LTBP1: variants seen among roughly 807,000 people sequenced by gnomAD.
LTBP1 encodes the protein latent-transforming growth factor beta-binding protein 1.
A neutral mutation model predicts 207.6 loss-of-function variants in LTBP1; 129 were observed. The ratio of observed to expected loss-of-function variants is 0.62; its 90% CI spans 0.54 to 0.72. The LOEUF (loss-of-function observed/expected upper bound fraction) is 0.72. Ranked by LOEUF, LTBP1 falls within the 30% of genes least tolerant of loss-of-function variation. The probability of loss-of-function intolerance (pLI) is 0.00; values close to 1 mark genes in which losing one functional copy is unlikely to be tolerated. For missense variants in LTBP1, 2,281 were observed against 2,217.2 expected (o/e 1.03, Z -0.58); for synonymous variants, 963 against 833.7 (o/e 1.16, Z -2.67).
At chr2:33,080,320 G>A (rs914181810) in intron 3 of LTBP1, among the ~76,000 whole-genome samples, 2 of 152,044 alleles carry the variant, frequency 1.3e-5, no homozygotes, top group African/African-American at 2.4e-5. Flanking sequence ...GAGCCACCAC[G>A]CCCATCCCAG....
intron 2 of LTBP1, among the ~76,000 whole-genome samples, chr2:32,996,020 C>T (rs942008432): frequency 1.7e-4 from 26 of 152,136 alleles, no homozygotes; most frequent in Admixed American, 1.5e-3. Flanking sequence ...CTATACATAT[C>T]GATATGTGTT....
At chr2:32,955,888 G>A (rs1479214478) in intron 2 of LTBP1, among the ~76,000 whole-genome samples, 3 of 152,136 alleles carry the variant, frequency 2.0e-5, no homozygotes, top group African/African-American at 7.2e-5. Context: ...CATCAGGGTT[G>A]TATTTGCAAG....
intron 24 of LTBP1, among the ~76,000 whole-genome samples, chr2:33,337,749 C>A (rs1193451528): frequency 6.6e-6 from 1 of 152,288 alleles, no homozygotes; most frequent in South Asian, 2.1e-4. Flanking sequence ...AACAGAATCA[C>A]CCTTCATTAA....
intron 2 of LTBP1, among the ~76,000 whole-genome samples, chr2:32,973,424 G>GTT (rs1425482153): frequency 6.6e-6 from 1 of 151,958 alleles, no homozygotes; most frequent in African/African-American, 2.4e-5. Context: ...TAATGCTCTT[G>GTT]TCTTTTTATA....
chr2:33,145,952 C>T (rs1371230589), intron 5 of LTBP1, among the ~76,000 whole-genome samples: 3 of 152,176 alleles, frequency 2.0e-5, no homozygotes, highest in Admixed American at 2.0e-4. Flanking sequence ...TATCATTTCC[C>T]TTCTGTCAAA....
chr2:33,399,197 A>G lies in LTBP1; in HGVS notation c.*652A>G, dbSNP rs2095384796. On this transcript the variant is annotated 3_prime_UTR_variant, in exon 34 of 34. Coordinates refer to ENST00000404816, the MANE Select transcript of LTBP1 (RefSeq NM_206943.4). ...AATGTCCGTTCTTAGCCAAGCTGCT[A>G]GCAGGTGTTAATTGGATCCCTTTCC... The G allele has an allele frequency of 6.6e-6, 1 of 152,542 alleles. No homozygotes were observed. Among genetic ancestry groups the G allele is most frequent in the South Asian group, 2.1e-4 (1 of 4,832 alleles). The allele number at this position is 152,542 out of a possible 1,614,324, so 9.4% of individuals were successfully genotyped here.
intron 31 of LTBP1, among the ~76,000 whole-genome samples, chr2:33,379,022 A>G: frequency 6.6e-6 from 1 of 152,134 alleles, no homozygotes; most frequent in East Asian, 1.9e-4. Context: ...GCAGATTACA[A>G]AACATTAGCT....
At chr2:33,288,564 A>C (rs1258393242) in intron 19 of LTBP1, among the ~76,000 whole-genome samples, 1 of 152,142 alleles carries the variant, frequency 6.6e-6, no homozygotes, top group African/African-American at 2.4e-5. Context: ...CAAAAAGAAA[A>C]GAAGTTGGAG....
At chr2:33,254,533 TA>T (rs1483136994) in intron 11 of LTBP1, among the ~76,000 whole-genome samples, 1 of 146,842 alleles carries the variant, frequency 6.8e-6, no homozygotes, top group Non-Finnish European at 1.5e-5. Flanking sequence ...TTTAGTTCGT[TA>T]ATTCTTTAAA....
chr2:32,997,467 C>T (rs1490365983), intron 2 of LTBP1, among the ~76,000 whole-genome samples: 1 of 152,180 alleles, frequency 6.6e-6, no homozygotes, highest in African/African-American at 2.4e-5. Context: ...TATGATTATG[C>T]CGTTCCAGCC....
At chr2:32,953,404 T>A (rs771928058) in intron 2 of LTBP1, among the ~76,000 whole-genome samples, 3 of 152,178 alleles carry the variant, frequency 2.0e-5, no homozygotes, top group Non-Finnish European at 4.4e-5. Context: ...TGCCAATAGA[T>A]CTGCAGTGAG....
At chr2:33,117,671 C>T (rs1009736527) in intron 4 of LTBP1, among the ~76,000 whole-genome samples, 24 of 152,308 alleles carry the variant, frequency 1.6e-4, no homozygotes, top group African/African-American at 5.1e-4. Flanking sequence ...GCTCTGGATG[C>T]CTAGTGCCAG....
intron 19 of LTBP1, among the ~76,000 whole-genome samples, chr2:33,284,285 C>T (rs1359143348): frequency 6.6e-6 from 1 of 152,162 alleles, no homozygotes; most frequent in Non-Finnish European, 1.5e-5. Context: ...TAGTGTTTAG[C>T]TCAGGTCATA....
At chr2:32,972,129 C>CA (rs1680977076) in intron 2 of LTBP1, among the ~76,000 whole-genome samples, 2 of 56,348 alleles carry the variant, frequency 3.5e-5, no homozygotes, top group Admixed American at 1.5e-4. Context: ...TTTTTTTTTT[C>CA]TGTGGATTCA....
intron 2 of LTBP1, among the ~76,000 whole-genome samples, chr2:32,962,038 C>T: frequency 6.7e-6 from 1 of 150,308 alleles, no homozygotes; most frequent in East Asian, 1.9e-4. Flanking sequence ...CCAGTTTGTA[C>T]ACTTTTTTTA....
chr2:33,172,561 T>C (rs1415533507), intron 5 of LTBP1, among the ~76,000 whole-genome samples: 1 of 152,136 alleles, frequency 6.6e-6, no homozygotes, highest in Non-Finnish European at 1.5e-5. Context: ...AATGGGAGAC[T>C]TTAACACCCC....
intron 2 of LTBP1, among the ~76,000 whole-genome samples, chr2:32,957,397 G>T (rs1222680111): frequency 1.3e-5 from 2 of 152,136 alleles, no homozygotes; most frequent in Admixed American, 6.5e-5. Flanking sequence ...GGCCATTGTA[G>T]GGTTATTAAT....
At chr2:32,999,811 T>C (rs556381181) in intron 2 of LTBP1, among the ~76,000 whole-genome samples, 12 of 127,030 alleles carry the variant, frequency 9.4e-5, no homozygotes, top group African/African-American at 2.7e-4. Context: ...AGACTCTGTC[T>C]AAAAAAAAAA....
chr2:32,955,986 T>A (rs187947415), intron 2 of LTBP1, among the ~76,000 whole-genome samples: 26 of 152,292 alleles, frequency 1.7e-4, no homozygotes, highest in African/African-American at 6.3e-4. Context: ...CATGTAAAAC[T>A]CATGTTTATA....
Sources: allele counts gnomAD v4.1 joint callset (sites outside exome capture counted in the v4.1 genomes callset), GRCh38; gene constraint gnomAD v4.1.1; transcripts MANE v1.5; gene names NCBI Gene and HGNC (gene_info 2026-07-23, HGNC 2026-07-21).